The following STK38L variants were observed in gnomAD, a reference collection of about 807,000 sequenced individuals.
STK38L encodes the protein serine/threonine-protein kinase 38-like.
A neutral mutation model predicts 59.7 loss-of-function variants in STK38L; 28 were observed. The ratio of observed to expected loss-of-function variants is 0.47; its 90% CI spans 0.35 to 0.64. STK38L has a LOEUF of 0.64. Ranked by LOEUF, STK38L falls within the 30% of genes least tolerant of loss-of-function variation. The pLI, the probability that STK38L is intolerant of heterozygous loss-of-function variation, is 0.01. For synonymous variants in STK38L, 162 were observed against 176.8 expected (o/e 0.92, Z 0.66); for missense variants, 314 against 555.8 (o/e 0.56, Z 4.37).
Position 27,281,246 on chromosome 12 carries a change from C to T in STK38L, c.-11-16464C>T, listed in dbSNP as rs1943651131. Among the ~76,000 whole-genome samples the T allele has an allele frequency of 6.8e-5, 2 of 29,582 alleles. 1 individual carries two copies. Among genetic ancestry groups the T allele is most frequent in the Admixed American group, 5.0e-4 (2 of 4,030 alleles). 19.4% of individuals were successfully genotyped at this position (29,582 alleles called of 152,430 possible). The stretch of plus-strand genomic sequence containing the variant: ...GACTACAGGCGCGCGCCACTACGCC[C>T]GGCTAATTTTTTGTATTTTTAGTAG... On this transcript the variant is annotated intron_variant, in intron 1 of 13. Transcript: ENST00000389032.
intron 1 of STK38L, among the ~76,000 whole-genome samples, chr12:27,246,848 A>G (rs10842885): frequency 0.52 from 78,658 of 151,988 alleles, 21,636 homozygotes; most frequent in East Asian, 0.87. Flanking sequence ...GAAAGGCAAC[A>G]GTGAACAGTG....
intron 1 of STK38L, among the ~76,000 whole-genome samples, chr12:27,285,770 A>G (rs1943758733): frequency 1.3e-5 from 2 of 152,236 alleles, no homozygotes; most frequent in Admixed American, 6.5e-5. Context: ...AGGAAAGAGT[A>G]AAGGGGAGTG....
intron 3 of STK38L, among the ~76,000 whole-genome samples, chr12:27,302,852 C>CA (rs549995687): frequency 1.4e-3 from 195 of 143,758 alleles, no homozygotes; most frequent in South Asian, 3.3e-3. Flanking sequence ...GCTAAAAATA[C>CA]AAAAAAAAAA....
rs1279772187 is a variant in STK38L, at chr12:27,323,437, A to G, written c.*982A>G. On this transcript the variant is annotated 3_prime_UTR_variant, in exon 14 of 14. Coordinates refer to ENST00000389032, the MANE Select transcript of STK38L (RefSeq NM_015000.4). ...AAAGCTATTTACTTTGGTTTTCTAG[A>G]AAGTTGTTACATATCATGGCTGGTT... 1 of 152,602 alleles carries G rather than the reference A, an allele frequency of 6.6e-6. No individual in the cohort carries two copies. Among genetic ancestry groups the G allele is most frequent in the Admixed American group, 6.5e-5 (1 of 15,280 alleles). 9.5% of individuals were successfully genotyped at this position (152,602 alleles called of 1,614,324 possible).
chr12:27,264,629 G>C (rs1461964168), intron 1 of STK38L, among the ~76,000 whole-genome samples: 2 of 152,128 alleles, frequency 1.3e-5, no homozygotes, highest in Admixed American at 1.3e-4. Flanking sequence ...ATAAAAAACA[G>C]CATGGTATAC....
At chr12:27,306,784 C>A (rs1234938718) in intron 3 of STK38L, among the ~76,000 whole-genome samples, 2 of 145,060 alleles carry the variant, frequency 1.4e-5, no homozygotes, top group African/African-American at 5.1e-5. Flanking sequence ...GGTCTTGTCA[C>A]CCAGGCTGGA....
At chr12:27,250,899 T>C (rs767189389) in intron 1 of STK38L, among the ~76,000 whole-genome samples, 7 of 149,538 alleles carry the variant, frequency 4.7e-5, no homozygotes, top group Non-Finnish European at 8.9e-5. Flanking sequence ...CTCAGGAGGC[T>C]GAGGCAGGAG....
intron 1 of STK38L, among the ~76,000 whole-genome samples, chr12:27,253,440 G>A (rs1943019424): frequency 4.9e-5 from 1 of 20,264 alleles, no homozygotes; most frequent in Admixed American, 6.1e-4. Flanking sequence ...GCATGGATGG[G>A]TCTCTCTAGT....
At chr12:27,293,080 T>TA (rs758686899) in intron 1 of STK38L, among the ~76,000 whole-genome samples, 34 of 152,216 alleles carry the variant, frequency 2.2e-4, no homozygotes, top group Non-Finnish European at 2.2e-4. Flanking sequence ...GCCTCCCAAG[T>TA]AGCTGGGGCT....
chr12:27,272,017 T>C (rs771351059), intron 1 of STK38L, among the ~76,000 whole-genome samples: 2 of 152,176 alleles, frequency 1.3e-5, no homozygotes, highest in Admixed American at 6.5e-5. Context: ...GTTAAAAATA[T>C]TTTCCTCCTG....
In STK38L at chr12:27,309,111, T is replaced by C. The variant is rs768970249; in HGVS notation, c.310-3T>C. ...TTTATAATATATGTTTTTTATCTTT[T>C]AGGTGCGGTTGGTCCAGAAGAAAGA... is the stretch of plus-strand genomic sequence containing the variant. On this transcript the variant is annotated splice_polypyrimidine_tract_variant and splice_region_variant and intron_variant, in intron 4 of 13. Coordinates refer to ENST00000389032, the MANE Select transcript of STK38L (RefSeq NM_015000.4). The C allele has an allele frequency of 1.3e-6, 2 of 1,576,540 alleles. No homozygotes were observed. The highest frequency in any genetic ancestry group is 3.6e-5 in the Admixed American group (2 of 54,956).
intron 3 of STK38L, among the ~76,000 whole-genome samples, chr12:27,307,407 A>G (rs1166422873): frequency 2.6e-5 from 4 of 152,272 alleles, no homozygotes; most frequent in Admixed American, 6.5e-5. Context: ...AGATATATAC[A>G]GGAGTAGGGA....
chr12:27,324,238 A>C lies in STK38L; in HGVS notation c.*1783A>C, dbSNP rs1417554435. On this transcript the variant is annotated 3_prime_UTR_variant, in exon 14 of 14. Transcript: ENST00000389032. ...GATTTTTTGAGTATTTAGGAAAGAGAGCTATTAAAAACTGGGGATTTCTCA... is the reference window on the plus strand; with the variant it reads ...GATTTTTTGAGTATTTAGGAAAGAGCGCTATTAAAAACTGGGGATTTCTCA... The C allele has an allele frequency of 2.0e-5, 1 of 51,000 alleles. No homozygotes were observed. The highest frequency in any genetic ancestry group is 3.5e-5 in the Non-Finnish European group (1 of 28,684). The allele number at this position is 51,000 out of a possible 1,614,324, so 3.2% of individuals were successfully genotyped here.
intron 1 of STK38L, among the ~76,000 whole-genome samples, chr12:27,278,452 C>T (rs567333647): frequency 5.3e-5 from 8 of 152,140 alleles, no homozygotes; most frequent in East Asian, 1.9e-4. Context: ...ACTCTTTTTT[C>T]GACAATTTTA....
At chr12:27,268,787 C>T (rs1177693356) in intron 1 of STK38L, among the ~76,000 whole-genome samples, 2 of 152,010 alleles carry the variant, frequency 1.3e-5, no homozygotes, top group Non-Finnish European at 2.9e-5. Context: ...CCTGTTGTTT[C>T]CTGACTTTTT....
chr12:27,270,453 C>T (rs1943399982), intron 1 of STK38L, among the ~76,000 whole-genome samples: 2 of 152,170 alleles, frequency 1.3e-5, no homozygotes, highest in Admixed American at 1.3e-4. Context: ...TCTCAGCTCA[C>T]TGCAACCTCC....
intron 1 of STK38L, among the ~76,000 whole-genome samples, chr12:27,291,577 T>C (rs896530454): frequency 1.3e-5 from 2 of 152,176 alleles, no homozygotes; most frequent in Admixed American, 1.3e-4. Flanking sequence ...TGGTTGAAAA[T>C]AAAACAATTA....
At position 27,322,415 on chromosome 12, in the gene STK38L, G is replaced by A. The variant is rs958417948; in HGVS notation, c.1355G>A (p.Arg452His). ...TYKRFEGLTQRGSIPTYMKAG... is the reference protein window; with the variant it reads ...TYKRFEGLTQHGSIPTYMKAG... ...AAAAGGTTTGAAGGGTTGACTCAAC[G>A]TGGCTCTATCCCCACCTACATGAAA... Residue 452 changes from arginine (R) to histidine (H), a missense_variant, in exon 14 of 14, where the codon CGT becomes CAT. Arg to His is a conservative substitution (Grantham distance 29, BLOSUM62 0). Transcript: ENST00000389032. The A allele has an allele frequency of 1.9e-6, 3 of 1,613,958 alleles. No individual in the cohort carries two copies. The highest frequency in any genetic ancestry group is 1.7e-5 in the Admixed American group (1 of 60,004).
At chr12:27,285,849 T>C (rs2136629862) in intron 1 of STK38L, among the ~76,000 whole-genome samples, 1 of 152,340 alleles carries the variant, frequency 6.6e-6, no homozygotes, top group East Asian at 1.9e-4. Flanking sequence ...AAGGAGTATT[T>C]CCTTTATCTT....
Sources: allele counts gnomAD v4.1 joint callset (sites outside exome capture counted in the v4.1 genomes callset), GRCh38; gene constraint gnomAD v4.1.1; transcripts MANE v1.5; gene names NCBI Gene and HGNC (gene_info 2026-07-23, HGNC 2026-07-21).